FARP1: variants seen among roughly 807,000 people sequenced by gnomAD.
FARP1 encodes the protein FERM, ARH/RhoGEF and pleckstrin domain protein 1.
A neutral mutation model predicts 128.8 loss-of-function variants in FARP1; 52 were observed. The observed-to-expected ratio is 0.40, with a 90% confidence interval of 0.32 to 0.51. FARP1 has a LOEUF of 0.51. Among genes scored for constraint, FARP1 ranks in the 20% least tolerant of loss-of-function variants. The pLI, the probability that FARP1 is intolerant of heterozygous loss-of-function variation, is 0.45. For synonymous variants in FARP1, 580 were observed against 551.8 expected, an observed-to-expected ratio of 1.05 and a Z score of -0.72; for missense variants, 1,333 against 1,367.9, an observed-to-expected ratio of 0.97 and a Z score of 0.40.
At chr13:98,345,132 G>A (rs115620892) in intron 3 of FARP1, among the ~76,000 whole-genome samples, 1,895 of 152,268 alleles carry the variant, frequency 0.012, 40 homozygotes, top group African/African-American at 0.042. Context: ...CTTATTTCAT[G>A]GTAAAATAAT....
Position 98,339,501 on chromosome 13 carries a change from T to C in FARP1, c.172-4261T>C, listed in dbSNP as rs550441111. On this transcript the variant is annotated intron_variant, in intron 2 of 26. Transcript: ENST00000319562. ...GGGTGGGGACACAGAGCCAAACATATCACCATTGTAGTGCCATTTACCCAT... is the reference window on the plus strand; with the variant it reads ...GGGTGGGGACACAGAGCCAAACATACCACCATTGTAGTGCCATTTACCCAT... 1.6e-4 allele frequency among the ~76,000 whole-genome samples: 25 copies of C among 152,226 alleles called. No homozygotes were observed. In the South Asian group the frequency reaches 1.7e-3, roughly 10 times the overall value.
At chr13:98,255,407 A>G (rs1171605472) in intron 2 of FARP1, among the ~76,000 whole-genome samples, 1 of 152,152 alleles carries the variant, frequency 6.6e-6, no homozygotes, top group African/African-American at 2.4e-5. Context: ...AGGCTGAGGC[A>G]GGAGAATGGC....
intron 10 of FARP1, 29 bp from the exon 11 acceptor site, chr13:98,390,783 C>G (rs1478407050): frequency 6.4e-7 from 1 of 1,564,474 alleles, no homozygotes; most frequent in African/African-American, 1.4e-5. Context: ...TGGTATTTCT[C>G]CCCTTCCCTG....
At chr13:98,186,044 C>G (rs576625147) in intron 1 of FARP1, among the ~76,000 whole-genome samples, 1 of 152,218 alleles carries the variant, frequency 6.6e-6, no homozygotes, top group African/African-American at 2.4e-5. Flanking sequence ...CAGTGGTATT[C>G]AGTGCACTCA....
chr13:98,235,809 A>G (rs1240190987), intron 2 of FARP1, among the ~76,000 whole-genome samples: 2 of 144,550 alleles, frequency 1.4e-5, no homozygotes, highest in Admixed American at 1.4e-4. Context: ...AAACCGTACA[A>G]TTCACCTCTG....
chr13:98,153,329 TA>T (rs1315548326), intron 1 of FARP1, among the ~76,000 whole-genome samples: 1 of 8,640 alleles, frequency 1.2e-4, no homozygotes, highest in Non-Finnish European at 9.6e-4. Context: ...ATAAATAATA[TA>T]ATATATAAAA....
Position 98,409,339 on chromosome 13 carries a change from CT to C in FARP1, c.1417del (p.Ser473ProfsTer2). 6.3e-7 allele frequency: 1 copy of C among 1,599,364 alleles called. No individual in the cohort carries two copies. The highest frequency in any genetic ancestry group is 8.5e-7 in the Non-Finnish European group (1 of 1,170,034). On this transcript the variant is annotated frameshift_variant and splice_region_variant, in exon 14 of 27. Transcript: ENST00000319562. LOFTEE classifies it high-confidence loss of function. Reference sequence around the variant, plus strand: ...TTAAAACTTCTCATCCCCAAACAGGCTCCCTGACTGGCAGTCCTCACCTTTC... The same window carrying C: ...TTAAAACTTCTCATCCCCAAACAGGCCCCTGACTGGCAGTCCTCACCTTTC... ...KPQPPQPSTG[S>X]LTGSPHLSEL...
chr13:98,170,513 C>T (rs867506324), intron 1 of FARP1, among the ~76,000 whole-genome samples: 3 of 152,128 alleles, frequency 2.0e-5, no homozygotes, highest in South Asian at 2.1e-4. Flanking sequence ...TGTGCCACCA[C>T]GCCCGGCTAA....
Position 98,241,424 on chromosome 13 carries a change from A to G in FARP1, c.171+28011A>G, listed in dbSNP as rs148709244. On this transcript the variant is annotated intron_variant, in intron 2 of 26. Transcript: ENST00000319562. ...GTGGACTCCACAACAGGCACATGGA[A>G]GAGACCACCTCTCTGCAGGGTCGTG... 5.2e-3 allele frequency among the ~76,000 whole-genome samples: 796 copies of G among 152,298 alleles called. 8 individuals carry two copies. Among genetic ancestry groups the G allele is most frequent in the African/African-American group, 0.018 (755 of 41,562 alleles).
At chr13:98,386,072 C>T in intron 8 of FARP1, 2 of 423,212 alleles carry the variant, frequency 4.7e-6, no homozygotes, top group Non-Finnish European at 8.6e-6. Flanking sequence ...ATCACAGAAA[C>T]ATGTAGCTCT....
chr13:98,287,926 C>T lies in FARP1; in HGVS notation c.172-55836C>T, dbSNP rs143427245. On this transcript the variant is annotated intron_variant, in intron 2 of 26. Coordinates refer to ENST00000319562, the MANE Select transcript of FARP1 (RefSeq NM_005766.4). ...AAGCGATTCTTCTGCCTCAGCCTCC[C>T]GAGTAGCTGGGACTACGGGCACCCA... Among the ~76,000 whole-genome samples the T allele has an allele frequency of 1.4e-3, 210 of 151,954 alleles. 6 individuals are homozygous for T. In the East Asian group the frequency reaches 0.032, roughly 23 times the overall value.
intron 4 of FARP1, among the ~76,000 whole-genome samples, chr13:98,365,694 T>C (rs1347711597): frequency 6.6e-6 from 1 of 152,234 alleles, no homozygotes; most frequent in Admixed American, 6.5e-5. Context: ...CCTGCTATTA[T>C]CTTAAACCCC....
chr13:98,339,066 G>T (rs545474390), intron 2 of FARP1, among the ~76,000 whole-genome samples: 1 of 152,094 alleles, frequency 6.6e-6, no homozygotes, highest in African/African-American at 2.4e-5. Flanking sequence ...AGCGCTTTAG[G>T]CTTAGCTGCC....
chr13:98,365,115 T>C (rs1889028769), intron 3 of FARP1, among the ~76,000 whole-genome samples: 1 of 152,216 alleles, frequency 6.6e-6, no homozygotes, highest in South Asian at 2.1e-4. Context: ...GTAAATATGA[T>C]AAATGTATAA....
At chr13:98,395,643 C>G (rs1356914912) in intron 13 of FARP1, 167 bp downstream of exon 13, 2 of 806,728 alleles carry the variant, frequency 2.5e-6, no homozygotes, top group Non-Finnish European at 3.7e-6. Context: ...ATCTGACCAG[C>G]GGTGTCTATC....
intron 8 of FARP1, among the ~76,000 whole-genome samples, chr13:98,387,341 C>A (rs1049159299): frequency 5.9e-5 from 9 of 152,086 alleles, no homozygotes; most frequent in African/African-American, 2.2e-4. Flanking sequence ...TGAGTACTAT[C>A]ATTAAATTTC....
At chr13:98,313,139 C>CACACTCACTCGAATCGGGTGGGTCATA (rs1886554987) in intron 2 of FARP1, among the ~76,000 whole-genome samples, 1 of 142,010 alleles carries the variant, frequency 7.0e-6, no homozygotes. Flanking sequence ...CACACACACA[C>CACACTCACTCGAATCGGGTGGGTCATA]ACTCACTCGA....
At position 98,176,566 on chromosome 13, in the gene FARP1, C is replaced by T. The variant is rs1878053911; in HGVS notation, c.-24+33074C>T. On this transcript the variant is annotated intron_variant, in intron 1 of 26. Coordinates refer to ENST00000319562, the MANE Select transcript of FARP1 (RefSeq NM_005766.4). The surrounding 1 kb of genome is among the most constrained non-coding windows in gnomAD (Gnocchi z 6.2). ...CTCTTCAAGCTCCCGTTCAATCTCCCACCCGAGCTTGTAATCGGAACGGTC... is the reference window on the plus strand; with the variant it reads ...CTCTTCAAGCTCCCGTTCAATCTCCTACCCGAGCTTGTAATCGGAACGGTC... 2.5e-6 allele frequency: 4 copies of T among 1,614,112 alleles called. No homozygotes were observed. Among genetic ancestry groups the T allele is most frequent in the Middle Eastern group, 1.6e-4 (1 of 6,084 alleles).
intron 2 of FARP1, among the ~76,000 whole-genome samples, chr13:98,310,605 T>G (rs1221203366): frequency 2.6e-5 from 4 of 152,178 alleles, no homozygotes; most frequent in Non-Finnish European, 5.9e-5. Context: ...CAGTTACAAG[T>G]GTGAACACTT....
Sources: gnomAD v4.1 joint callset for allele counts (sites outside exome capture counted in the v4.1 genomes callset) on GRCh38, gnomAD v4.1.1 for gene constraint, Gnocchi (gnomAD v3.1) non-coding constraint, MANE v1.5 for transcripts, NCBI Gene and HGNC (gene_info 2026-07-23, HGNC 2026-07-21) for gene names.